Variants in RPS6KC1 observed in about 807,000 individuals in gnomAD.
RPS6KC1 encodes inactive ribosomal protein S6 kinase delta-1.
Under a neutral mutation model 103.8 loss-of-function variants are expected in RPS6KC1, and 54 were observed. The observed-to-expected ratio is 0.52, with a 90% CI of 0.42 to 0.65. The LOEUF is 0.65. Ranked by LOEUF, RPS6KC1 falls within the 30% of genes least tolerant of loss-of-function variation. RPS6KC1 has a pLI of 0.00. For synonymous variants in RPS6KC1, 439 were observed against 438.7 expected, an observed-to-expected ratio of 1.00 and a Z score of -0.01; for missense variants, 1,151 against 1,253.8, an observed-to-expected ratio of 0.92 and a Z score of 1.24.
At chr1:213,798,580 C>T in the RPS6KC1 span, among the ~76,000 whole-genome samples, 1 of 152,322 alleles carries the variant, frequency 6.6e-6, no homozygotes, top group East Asian at 1.9e-4. Flanking sequence ...CCTTTCCTTC[C>T]TCCAGGGCCC....
the RPS6KC1 span, among the ~76,000 whole-genome samples, chr1:213,764,455 C>T: frequency 6.6e-6 from 1 of 152,134 alleles, no homozygotes; most frequent in East Asian, 1.9e-4. Context: ...TTAGGTTGTC[C>T]CTGCTATCAG....
chr1:213,442,955 A>AG, the RPS6KC1 span, among the ~76,000 whole-genome samples: 1 of 146,438 alleles, frequency 6.8e-6, no homozygotes, highest in Non-Finnish European at 1.5e-5. Flanking sequence ...CTCCTTTCTC[A>AG]GGGTTTTTTT....
chr1:213,848,216 A>G, the RPS6KC1 span, among the ~76,000 whole-genome samples: 1 of 152,206 alleles, frequency 6.6e-6, no homozygotes, highest in East Asian at 1.9e-4. Flanking sequence ...AAACATATAT[A>G]TTTGTGAAAT....
chr1:213,747,346 AGTT>A, the RPS6KC1 span, among the ~76,000 whole-genome samples: 5 of 152,192 alleles, frequency 3.3e-5, no homozygotes, highest in East Asian at 9.6e-4. Flanking sequence ...GGACATGAGC[AGTT>A]TTGGAAGAGT....
At chr1:213,576,227 CAAT>C in the RPS6KC1 span, among the ~76,000 whole-genome samples, 1 of 151,900 alleles carries the variant, frequency 6.6e-6, no homozygotes, top group Non-Finnish European at 1.5e-5. Flanking sequence ...AATAATACAA[CAAT>C]AAAAATAATA....
At chr1:213,164,268 G>A (rs565178899) in intron 6 of RPS6KC1, among the ~76,000 whole-genome samples, 145 of 152,270 alleles carry the variant, frequency 9.5e-4, no homozygotes, top group Middle Eastern at 3.4e-3. Flanking sequence ...TCTGTATACC[G>A]TGCCTTCTAT....
the RPS6KC1 span, among the ~76,000 whole-genome samples, chr1:213,724,680 A>C: frequency 6.6e-6 from 1 of 152,158 alleles, no homozygotes; most frequent in Non-Finnish European, 1.5e-5. Context: ...TGGGAAGATC[A>C]CTTGAGGCCA....
At chr1:213,474,401 G>A in the RPS6KC1 span, among the ~76,000 whole-genome samples, 10 of 152,110 alleles carry the variant, frequency 6.6e-5, no homozygotes, top group Non-Finnish European at 4.4e-5. Context: ...GTGGAGAGAG[G>A]GACAGGGAAA....
the RPS6KC1 span, among the ~76,000 whole-genome samples, chr1:213,354,510 T>G: frequency 5.3e-4 from 80 of 152,336 alleles, no homozygotes; most frequent in Admixed American, 9.1e-4. Context: ...CATTTTCCAT[T>G]TCTTATAACA....
At chr1:213,309,302 C>T in the RPS6KC1 span, among the ~76,000 whole-genome samples, 1 of 151,876 alleles carries the variant, frequency 6.6e-6, no homozygotes. Flanking sequence ...CTCAAACAAA[C>T]AAAAACAAAC....
chr1:213,078,413 T>G (rs375980960), intron 3 of RPS6KC1, among the ~76,000 whole-genome samples: 2 of 152,122 alleles, frequency 1.3e-5, no homozygotes, highest in East Asian at 3.8e-4. Flanking sequence ...ATGGACAGAA[T>G]TTTTTTGAAA....
the RPS6KC1 span, among the ~76,000 whole-genome samples, chr1:213,519,779 T>G: frequency 6.6e-6 from 1 of 152,244 alleles, no homozygotes; most frequent in Non-Finnish European, 1.5e-5. Context: ...ACTGGATGAC[T>G]GCACTTCATG....
chr1:213,146,389 T>G (rs2087829192), intron 6 of RPS6KC1, among the ~76,000 whole-genome samples: 2 of 152,036 alleles, frequency 1.3e-5, no homozygotes, highest in South Asian at 4.1e-4. Flanking sequence ...CTGATTTCCT[T>G]TCTTTGGAGT....
intron 2 of RPS6KC1, among the ~76,000 whole-genome samples, chr1:213,075,506 C>T (rs1035183723): frequency 4.6e-5 from 7 of 152,168 alleles, no homozygotes; most frequent in Admixed American, 4.6e-4. Context: ...AGATCCTGCT[C>T]AGTTTTTGCT....
intron 1 of RPS6KC1, among the ~76,000 whole-genome samples, chr1:213,063,977 C>G (rs1005552372): frequency 6.6e-6 from 1 of 152,088 alleles, no homozygotes; most frequent in African/African-American, 2.4e-5. Flanking sequence ...AAGCAAGAAG[C>G]ATTTCAAGAT....
chr1:213,476,032 C>A, the RPS6KC1 span, among the ~76,000 whole-genome samples: 1 of 150,018 alleles, frequency 6.7e-6, no homozygotes, highest in Non-Finnish European at 1.5e-5. Flanking sequence ...TCTCTGCGGC[C>A]CACAGTGGCT....
the RPS6KC1 span, among the ~76,000 whole-genome samples, chr1:213,692,761 C>T: frequency 1.3e-5 from 2 of 152,214 alleles, no homozygotes; most frequent in Non-Finnish European, 2.9e-5. Context: ...CACCCAGCTC[C>T]TCCTGAGACC....
chr1:213,589,549 G>A, the RPS6KC1 span, among the ~76,000 whole-genome samples: 3 of 151,922 alleles, frequency 2.0e-5, no homozygotes, highest in Non-Finnish European at 4.4e-5. Context: ...GGCTGAGGCA[G>A]GAGAATCACT....
the RPS6KC1 span, among the ~76,000 whole-genome samples, chr1:213,563,972 C>CTTTTTTTTTTTTTTTTTTTTTCTT: frequency 1.5e-5 from 2 of 134,398 alleles, no homozygotes; most frequent in African/African-American, 5.4e-5. Flanking sequence ...TTGCTTACCT[C>CTTTTTTTTTTTTTTTTTTTTTCTT]TTTTTTTTTT....
Sources: allele counts gnomAD v4.1 joint callset (sites outside exome capture counted in the v4.1 genomes callset), GRCh38; gene constraint gnomAD v4.1.1; transcripts MANE v1.5; gene names NCBI Gene and HGNC (gene_info 2026-07-23, HGNC 2026-07-21).